Variants in ALK observed in about 807,000 individuals in gnomAD.
ALK encodes ALK tyrosine kinase receptor.
In ALK, 74 loss-of-function variants were observed where a neutral mutation model predicts 163.1. The ratio of observed to expected loss-of-function variants is 0.45; its 90% CI spans 0.38 to 0.55. The LOEUF (loss-of-function observed/expected upper bound fraction) is 0.55, where lower values mean the gene tolerates loss of function less well. Ranked by LOEUF, ALK falls within the 20% of genes least tolerant of loss-of-function variation. The pLI, the probability that ALK is intolerant of heterozygous loss-of-function variation, is 0.00. For missense variants in ALK, 2,063 were observed against 2,105.3 expected (o/e 0.98, Z 0.39); for synonymous variants, 960 against 843.2 (o/e 1.14, Z -2.40).
At chr2:29,393,331 A>C (rs544541455) in intron 4 of ALK, among the ~76,000 whole-genome samples, 29 of 152,262 alleles carry the variant, frequency 1.9e-4, no homozygotes, top group Admixed American at 3.9e-4. Context: ...TAGAAACCAG[A>C]AGTCCTCTTC....
chr2:29,542,619 TAA>T (rs1673443169), intron 3 of ALK, among the ~76,000 whole-genome samples: 1 of 152,252 alleles, frequency 6.6e-6, no homozygotes, highest in Non-Finnish European at 1.5e-5. Flanking sequence ...TCAGTGTTAC[TAA>T]GAAGAAGTCT....
At chr2:29,239,924 G>T in intron 12 of ALK, 94 bp from the exon 13 acceptor site, 1 of 1,439,830 alleles carries the variant, frequency 6.9e-7, no homozygotes, top group Non-Finnish European at 9.4e-7. Context: ...TAAGCACATC[G>T]CCATCGTGGT....
At chr2:29,526,843 C>T (rs1672971762) in intron 4 of ALK, among the ~76,000 whole-genome samples, 1 of 152,232 alleles carries the variant, frequency 6.6e-6, no homozygotes, top group African/African-American at 2.4e-5. Context: ...TTTTCAGAAG[C>T]AAATACCTGG....
intron 3 of ALK, among the ~76,000 whole-genome samples, chr2:29,601,523 G>A (rs927885300): frequency 5.3e-5 from 8 of 152,048 alleles, no homozygotes; most frequent in African/African-American, 1.7e-4. Context: ...GGATACTAAC[G>A]GCTCCATTAA....
intron 6 of ALK, among the ~76,000 whole-genome samples, chr2:29,322,562 G>A (rs555141455): frequency 1.5e-3 from 222 of 152,354 alleles, no homozygotes; most frequent in Admixed American, 2.6e-3. Flanking sequence ...GACAGGGCAC[G>A]GTGGCTCACG....
At chr2:29,744,166 C>T (rs192438310) in intron 1 of ALK, among the ~76,000 whole-genome samples, 88 of 152,288 alleles carry the variant, frequency 5.8e-4, no homozygotes, top group African/African-American at 1.9e-3. Context: ...ACTCACCACA[C>T]ACAGGAGGAA....
chr2:29,416,117 G>C lies in ALK; in HGVS notation c.1155-32258C>G, dbSNP rs539471824. ...ATCACGTGAGCCAATTTCCATAATA[G>C]ATATGCTTTCATATGTCTATATATA... On this transcript the variant is annotated intron_variant, in intron 4 of 28. Transcript: ENST00000389048. 5.3e-5 allele frequency among the ~76,000 whole-genome samples: 8 copies of C among 152,328 alleles called. 1 individual carries two copies. The South Asian group carries it at 1.7e-3, about 32-fold the overall frequency.
At position 29,914,860 on chromosome 2, in the gene ALK, C is replaced by A. The variant is rs562904766; in HGVS notation, c.667+5133G>T. Reference sequence around the variant, plus strand: ...AACTCTGACTTGAAGGAAAGGGGAACTGTGGTTCTAGTCAGTATGAAAGTT... The same window carrying A: ...AACTCTGACTTGAAGGAAAGGGGAAATGTGGTTCTAGTCAGTATGAAAGTT... On this transcript the variant is annotated intron_variant, in intron 1 of 28. Coordinates refer to ENST00000389048, the MANE Select transcript of ALK (RefSeq NM_004304.5). Among the ~76,000 whole-genome samples the A allele has an allele frequency of 3.9e-3, 589 of 152,280 alleles. 2 individuals carry two copies. Among genetic ancestry groups the A allele is most frequent in the Non-Finnish European group, 6.4e-3 (433 of 68,018 alleles).
intron 3 of ALK, among the ~76,000 whole-genome samples, chr2:29,654,133 G>T (rs1477858049): frequency 6.6e-6 from 1 of 152,182 alleles, no homozygotes; most frequent in South Asian, 2.1e-4. Context: ...CACTGGCATA[G>T]TCCAACAGCC....
intron 1 of ALK, among the ~76,000 whole-genome samples, chr2:29,848,049 G>A (rs1009652830): frequency 8.5e-5 from 13 of 152,094 alleles, no homozygotes; most frequent in African/African-American, 3.1e-4. Flanking sequence ...GGATTTCCAA[G>A]TATCCAAAAA....
At chr2:29,371,164 A>G (rs1668629246) in intron 5 of ALK, among the ~76,000 whole-genome samples, 1 of 152,240 alleles carries the variant, frequency 6.6e-6, no homozygotes, top group African/African-American at 2.4e-5. Flanking sequence ...CTGCCCAGCA[A>G]CTGTCTGCCA....
chr2:29,840,682 T>C (rs1416485912), intron 1 of ALK, among the ~76,000 whole-genome samples: 1 of 152,226 alleles, frequency 6.6e-6, no homozygotes, highest in Non-Finnish European at 1.5e-5. Flanking sequence ...AAGAAAGAAT[T>C]TCAGACTTTC....
At chr2:29,409,262 T>G (rs559650572) in intron 4 of ALK, among the ~76,000 whole-genome samples, 1 of 152,280 alleles carries the variant, frequency 6.6e-6, no homozygotes, top group East Asian at 1.9e-4. Flanking sequence ...AGGTCACCTT[T>G]TAGTGTATTT....
At chr2:29,669,524 T>C (rs1336316021) in intron 3 of ALK, among the ~76,000 whole-genome samples, 2 of 152,088 alleles carry the variant, frequency 1.3e-5, no homozygotes, top group Admixed American at 1.3e-4. Flanking sequence ...AGGCAGCATA[T>C]AGCTGAATTT....
intron 4 of ALK, among the ~76,000 whole-genome samples, chr2:29,440,796 C>T (rs908498604): frequency 1.3e-5 from 2 of 152,210 alleles, no homozygotes; most frequent in African/African-American, 2.4e-5. Flanking sequence ...TGATCCAGAA[C>T]ACAAGCGCAA....
intron 1 of ALK, among the ~76,000 whole-genome samples, chr2:29,881,904 G>A (rs1377812815): frequency 6.6e-6 from 1 of 152,146 alleles, no homozygotes; most frequent in Non-Finnish European, 1.5e-5. Context: ...AGATTGGAGG[G>A]AGAAACAACT....
chr2:29,396,450 C>A (rs80156627), intron 4 of ALK, among the ~76,000 whole-genome samples: 9,828 of 152,020 alleles, frequency 0.065, 546 homozygotes, highest in East Asian at 0.31. Flanking sequence ...CCGAGGTGGG[C>A]GGATCACGAG....
intron 1 of ALK, among the ~76,000 whole-genome samples, chr2:29,830,728 A>C (rs1316964611): frequency 8.5e-6 from 1 of 118,194 alleles, no homozygotes; most frequent in African/African-American, 3.8e-5. Context: ...AAAAAAAAAA[A>C]AAAAAAAAAA....
At position 29,246,742 on chromosome 2, in the gene ALK, C is replaced by A. The variant is rs995741009; in HGVS notation, c.2204+4363G>T. Reference sequence around the variant, plus strand: ...CTCTGGGCCTGTCCCCTGCACCTGACCCTCCCCTGCCATCTTTCCCCTGTC... The same window carrying A: ...CTCTGGGCCTGTCCCCTGCACCTGAACCTCCCCTGCCATCTTTCCCCTGTC... On this transcript the variant is annotated intron_variant, in intron 12 of 28. Transcript: ENST00000389048. This position sits in a 1 kb window ranked among gnomAD's most constrained non-coding sequence, Gnocchi z 4.3. 2.0e-5 allele frequency among the ~76,000 whole-genome samples: 3 copies of A among 152,232 alleles called. No homozygotes were observed. In the East Asian group the frequency reaches 5.8e-4, roughly 29 times the overall value.
Sources: gnomAD v4.1 joint callset for allele counts (sites outside exome capture counted in the v4.1 genomes callset) on GRCh38, gnomAD v4.1.1 for gene constraint, Gnocchi (gnomAD v3.1) non-coding constraint, MANE v1.5 for transcripts, NCBI Gene and HGNC (gene_info 2026-07-23, HGNC 2026-07-21) for gene names.